The following TYW1 variants were observed in gnomAD, a reference collection of about 807,000 sequenced individuals.
TYW1 encodes the protein S-adenosyl-L-methionine-dependent tRNA 4-demethylwyosine synthase TYW1.
In TYW1, 46 loss-of-function variants were observed where a neutral mutation model predicts 96.2. The ratio of observed to expected loss-of-function variants is 0.48; its 90% CI spans 0.38 to 0.61. The LOEUF (loss-of-function observed/expected upper bound fraction) is 0.61, where lower values mean the gene tolerates loss of function less well. TYW1 is among the 20% of genes least tolerant of loss of function. The probability of loss-of-function intolerance (pLI) is 0.00; values close to 1 mark genes in which losing one functional copy is unlikely to be tolerated. For missense variants in TYW1, 684 were observed against 909.6 expected (o/e 0.75, Z 3.19); for synonymous variants, 274 against 323.0 (o/e 0.85, Z 1.63).
chr7:67,151,051 C>CT (rs77369502), intron 13 of TYW1, among the ~76,000 whole-genome samples: 2,246 of 142,668 alleles, frequency 0.016, 4 homozygotes, highest in Admixed American at 0.039. Context: ...TATTCTTCTT[C>CT]TTTTTTTTTT....
chr7:67,219,697 A>G (rs908534514), intron 15 of TYW1, among the ~76,000 whole-genome samples: 3 of 134,796 alleles, frequency 2.2e-5, no homozygotes, highest in African/African-American at 8.7e-5. Flanking sequence ...ACACTCTTAC[A>G]GTTTTTTTTT....
chr7:67,095,831 C>G (rs1401631731), intron 11 of TYW1, among the ~76,000 whole-genome samples: 1 of 152,062 alleles, frequency 6.6e-6, no homozygotes, highest in Non-Finnish European at 1.5e-5. Flanking sequence ...AAAATAAAAT[C>G]ACTTTCTGAA....
chr7:67,111,671 A>G (rs1797411747), intron 12 of TYW1, among the ~76,000 whole-genome samples: 1 of 152,234 alleles, frequency 6.6e-6, no homozygotes, highest in African/African-American at 2.4e-5. Context: ...TATTTGAACA[A>G]ATAATGATCA....
At chr7:67,183,531 A>C (rs1369525198) in intron 14 of TYW1, among the ~76,000 whole-genome samples, 1 of 152,198 alleles carries the variant, frequency 6.6e-6, no homozygotes, top group Non-Finnish European at 1.5e-5. Context: ...TATGCTGAGA[A>C]ATAAAATAGT....
At chr7:67,008,497 G>A (rs1793678305) in intron 3 of TYW1, among the ~76,000 whole-genome samples, 1 of 152,124 alleles carries the variant, frequency 6.6e-6, no homozygotes, top group Admixed American at 6.6e-5. Flanking sequence ...CATCTCATTA[G>A]CGTACAAAAG....
At chr7:67,008,218 G>A (rs1254622888) in intron 3 of TYW1, among the ~76,000 whole-genome samples, 1 of 152,146 alleles carries the variant, frequency 6.6e-6, no homozygotes, top group Non-Finnish European at 1.5e-5. Flanking sequence ...CTTCCAGGCC[G>A]TTTCTGGCCG....
intron 15 of TYW1, among the ~76,000 whole-genome samples, chr7:67,229,087 C>G (rs1338097714): frequency 6.6e-6 from 1 of 152,214 alleles, no homozygotes; most frequent in African/African-American, 2.4e-5. Flanking sequence ...GCAGAGTACA[C>G]TGACTTTAGA....
In TYW1 at chr7:67,068,263, C is replaced by G. The variant is rs1021578622; in HGVS notation, c.1274+860C>G. Among the ~76,000 whole-genome samples the G allele has an allele frequency of 2.6e-5, 4 of 152,272 alleles. No homozygotes were observed. The South Asian group carries it at 8.3e-4, about 32-fold the overall frequency. On this transcript the variant is annotated intron_variant, in intron 10 of 15. Transcript: ENST00000359626. ...TTTTGAACTCCTGACCTCAGGTGAT[C>G]CGCCCGCCTTGGCCTCCCAAAGTGC... is the stretch of plus-strand genomic sequence containing the variant.
intron 12 of TYW1, among the ~76,000 whole-genome samples, chr7:67,105,276 A>C (rs1797201076): frequency 6.6e-6 from 1 of 152,202 alleles, no homozygotes; most frequent in African/African-American, 2.4e-5. Context: ...TACATACAGC[A>C]CAACAGACCA....
At chr7:67,066,890 C>T (rs1156962073) in intron 9 of TYW1, among the ~76,000 whole-genome samples, 3 of 152,202 alleles carry the variant, frequency 2.0e-5, no homozygotes, top group Non-Finnish European at 4.4e-5. Flanking sequence ...CATTCCCTTA[C>T]CCATCCTTCT....
chr7:67,167,054 A>G (rs1043455228), intron 13 of TYW1, among the ~76,000 whole-genome samples: 1 of 152,168 alleles, frequency 6.6e-6, no homozygotes, highest in Non-Finnish European at 1.5e-5. Context: ...ACAGGAGTAA[A>G]TGTCCCTTTC....
At chr7:67,198,295 C>G (rs1478738269) in intron 15 of TYW1, among the ~76,000 whole-genome samples, 1 of 151,976 alleles carries the variant, frequency 6.6e-6, no homozygotes, top group Non-Finnish European at 1.5e-5. Context: ...GCCTGTAATC[C>G]CAGCACTTTG....
At chr7:67,112,617 T>TA (rs59148915) in intron 12 of TYW1, among the ~76,000 whole-genome samples, 47,089 of 142,186 alleles carry the variant, frequency 0.33, 8,152 homozygotes, top group African/African-American at 0.47. Flanking sequence ...CTCTTGTCTT[T>TA]AAAAAAAAAA....
At chr7:67,176,641 A>G (rs1799678338) in intron 13 of TYW1, among the ~76,000 whole-genome samples, 1 of 149,452 alleles carries the variant, frequency 6.7e-6, no homozygotes, top group Non-Finnish European at 1.5e-5. Context: ...ATTCAATGCT[A>G]TATCAGGCAG....
chr7:67,200,337 C>T (rs553349438), intron 15 of TYW1, among the ~76,000 whole-genome samples: 1 of 152,178 alleles, frequency 6.6e-6, no homozygotes, highest in Admixed American at 6.5e-5. Flanking sequence ...ATACCCGAGA[C>T]TGGGTAATTT....
In TYW1 at chr7:67,127,566, TC is replaced by T. The variant is rs1036410297; in HGVS notation, c.1698+9949del. 9.2e-5 allele frequency among the ~76,000 whole-genome samples: 14 copies of T among 152,334 alleles called. 1 individual carries two copies. The South Asian group carries it at 1.9e-3, about 20-fold the overall frequency. ...ATGCATAATCAATATATTGTTGCTA[TC>T]TTATTATTTTGGCCAAATTGCTATC... is the stretch of plus-strand genomic sequence containing the variant. On this transcript the variant is annotated intron_variant, in intron 13 of 15. Coordinates refer to ENST00000359626, the MANE Select transcript of TYW1 (RefSeq NM_018264.4).
chr7:67,229,831 T>A lies in TYW1; in HGVS notation c.1978-8477T>A, dbSNP rs138584645. ...TAGCTGGATATGGTGGCATGCACTG[T>A]AGTCCCAGCTCTTCCAGAGACTGAG... On this transcript the variant is annotated intron_variant, in intron 15 of 15. Transcript: ENST00000359626. Among the ~76,000 whole-genome samples, 389 of 152,226 alleles carry A rather than the reference T, an allele frequency of 2.6e-3. 2 individuals carry two copies. The highest frequency in any genetic ancestry group is 9.0e-3 in the African/African-American group (374 of 41,556).
chr7:67,023,972 A>G (rs1413701250), intron 6 of TYW1, among the ~76,000 whole-genome samples: 1 of 152,164 alleles, frequency 6.6e-6, no homozygotes, highest in East Asian at 1.9e-4. Context: ...GAATGGGTAT[A>G]TGAACATTGT....
chr7:67,017,673 C>T (rs1346151151), intron 5 of TYW1, among the ~76,000 whole-genome samples, 180 bp from the exon 6 acceptor site: 1 of 151,974 alleles, frequency 6.6e-6, no homozygotes, highest in Non-Finnish European at 1.5e-5. Flanking sequence ...CATAAAATGA[C>T]CCTCTTCTGG....
Sources: gnomAD v4.1 joint callset for allele counts (sites outside exome capture counted in the v4.1 genomes callset) on GRCh38, gnomAD v4.1.1 for gene constraint, MANE v1.5 for transcripts, NCBI Gene and HGNC (gene_info 2026-07-23, HGNC 2026-07-21) for gene names.